SFT2D2: variants seen among roughly 807,000 people sequenced by gnomAD.
The protein encoded by SFT2D2 is vesicle transport protein SFT2B.
Under a neutral mutation model 27.4 loss-of-function variants are expected in SFT2D2, and 21 were observed. The ratio of observed to expected loss-of-function variants is 0.77; its 90% CI spans 0.54 to 1.10. SFT2D2 has a LOEUF of 1.10. SFT2D2 is among the 50% of genes least tolerant of loss of function. The pLI is 0.00. For missense variants in SFT2D2, 187 were observed against 194.2 expected (o/e 0.96, Z 0.22); for synonymous variants, 72 against 71.7 (o/e 1.00, Z -0.02).
intron 1 of SFT2D2, among the ~76,000 whole-genome samples, chr1:168,230,797 A>G (rs571480604): frequency 6.6e-6 from 1 of 152,218 alleles, no homozygotes; most frequent in African/African-American, 2.4e-5. Flanking sequence ...GACATGGGAA[A>G]AGAACCACTG....
In SFT2D2 at chr1:168,245,023, A is replaced by C. The variant is rs1193593113; in HGVS notation, c.*2483A>C. 1 of 152,240 alleles carries C rather than the reference A, an allele frequency of 6.6e-6. No homozygotes were observed. Among genetic ancestry groups the C allele is most frequent in the Admixed American group, 6.5e-5 (1 of 15,286 alleles). 9.4% of individuals were successfully genotyped at this position (152,240 alleles called of 1,614,324 possible). On this transcript the variant is annotated 3_prime_UTR_variant, in exon 8 of 8. Transcript: ENST00000271375. ...ATGTTTTCCCCTAAGATTGAGAATA[A>C]GACAGAGATGTCAACTCTTACCACT...
Position 168,247,230 on chromosome 1 carries a change from C to A in SFT2D2, c.*4690C>A. 3.7e-6 allele frequency: 1 copy of A among 267,318 alleles called. No individual in the cohort carries two copies. The allele number at this position is 267,318 out of a possible 1,614,324, so 16.6% of individuals were successfully genotyped here. A position where few individuals can be genotyped will look rare whatever the true frequency, so the allele number is the denominator to read the frequency against. On this transcript the variant is annotated 3_prime_UTR_variant, in exon 8 of 8. Transcript: ENST00000271375. ...TTTTTTATATGAGATTCTGGAAATACTTCTTTTTTTAAATTATACTTTAAG... is the reference window on the plus strand; with the variant it reads ...TTTTTTATATGAGATTCTGGAAATAATTCTTTTTTTAAATTATACTTTAAG...
In SFT2D2 at chr1:168,246,941, C is replaced by T. The variant is rs1253158731; in HGVS notation, c.*4401C>T. ...GATTTTTTATTGTGTGTATTTCCAG[C>T]CTGAGCCTGGCAATTTCATCTTGCA... On this transcript the variant is annotated 3_prime_UTR_variant, in exon 8 of 8. Transcript: ENST00000271375. 3 of 636,898 alleles carry T rather than the reference C, an allele frequency of 4.7e-6. No individual in the cohort carries two copies. Among genetic ancestry groups the T allele is most frequent in the Middle Eastern group, 2.9e-4 (1 of 3,392 alleles). The allele number at this position is 636,898 out of a possible 1,614,324, so 39.5% of individuals were successfully genotyped here.
At chr1:168,236,840 C>G (rs1182367635) in intron 6 of SFT2D2, 70 bp downstream of exon 6, 18 of 1,510,528 alleles carry the variant, frequency 1.2e-5, no homozygotes, top group South Asian at 2.3e-5. Context: ...AGATAAAACT[C>G]ACATATTGTG....
chr1:168,239,150 C>G lies in SFT2D2; in HGVS notation c.433C>G (p.Pro145Ala). Residue 145 changes from proline (P) to alanine (A), a missense_variant, in exon 7 of 8, where the codon CCA becomes GCA. By Grantham distance (27) the Pro-to-Ala change is conservative (BLOSUM62 -1). Transcript: ENST00000271375. ...ALTWYSLSFI[P>A]FARDAVKKCF... is the part of the protein sequence containing the mutation. ...TTATAGGTACAGCCTTTCCTTCATA[C>G]CATTTGCAAGGTAAGACTGTGTATT... is the stretch of plus-strand genomic sequence containing the variant. 1 of 1,607,076 alleles carries G rather than the reference C, an allele frequency of 6.2e-7. No individual in the cohort carries two copies. The highest frequency in any genetic ancestry group is 8.5e-7 in the Non-Finnish European group (1 of 1,173,624).
At chr1:168,231,384 G>A (rs997163353) in intron 1 of SFT2D2, 130 bp from the exon 2 acceptor site, 30 of 705,514 alleles carry the variant, frequency 4.3e-5, no homozygotes, top group African/African-American at 2.5e-4. Flanking sequence ...GACTTACATC[G>A]CCTGAGTGTG....
intron 1 of SFT2D2, among the ~76,000 whole-genome samples, chr1:168,227,504 A>G (rs773134060): frequency 2.6e-5 from 4 of 152,220 alleles, no homozygotes; most frequent in Non-Finnish European, 4.4e-5. Context: ...TGAGGGAGTA[A>G]TTCTATGGGA....
At position 168,231,507 on chromosome 1, in the gene SFT2D2, A is replaced by G. The variant is rs377612441; in HGVS notation, c.64-7A>G. The G allele has an allele frequency of 4.4e-6, 7 of 1,602,548 alleles. No individual in the cohort carries two copies. Among genetic ancestry groups the G allele is most frequent in the Non-Finnish European group, 5.1e-6 (6 of 1,175,958 alleles). On this transcript the variant is annotated splice_polypyrimidine_tract_variant and splice_region_variant and intron_variant, in intron 1 of 7. Transcript: ENST00000271375. ...GTGTATATGTATTTTTTTTTTTTCA[A>G]TTTTAGGTTGTTGAGGCATCTTCAT...
chr1:168,236,961 A>T (rs183078646), intron 6 of SFT2D2, among the ~76,000 whole-genome samples, 191 bp downstream of exon 6: 65 of 152,328 alleles, frequency 4.3e-4, no homozygotes, highest in African/African-American at 1.5e-3. Flanking sequence ...CTGCCAATAG[A>T]TGGCATTAGT....
chr1:168,236,206 C>G (rs960999015), intron 4 of SFT2D2, among the ~76,000 whole-genome samples: 2 of 152,196 alleles, frequency 1.3e-5, no homozygotes, highest in African/African-American at 4.8e-5. Context: ...AACCTTTGTC[C>G]TCACATGTGC....
At chr1:168,230,063 C>G (rs980403091) in intron 1 of SFT2D2, among the ~76,000 whole-genome samples, 1 of 152,196 alleles carries the variant, frequency 6.6e-6, no homozygotes, top group African/African-American at 2.4e-5. Flanking sequence ...AAATACCTTT[C>G]TCCTGAGTGG....
chr1:168,234,138 C>A (rs1647409460), intron 3 of SFT2D2, among the ~76,000 whole-genome samples: 1 of 152,160 alleles, frequency 6.6e-6, no homozygotes, highest in Admixed American at 6.5e-5. Context: ...TGGCTCACGC[C>A]TATAATTCCA....
chr1:168,245,399 C>T lies in SFT2D2; in HGVS notation c.*2859C>T. On this transcript the variant is annotated 3_prime_UTR_variant, in exon 8 of 8. Coordinates refer to ENST00000271375, the MANE Select transcript of SFT2D2 (RefSeq NM_199344.3). ...AATTCTTGGGAATAAACCCGACAAA[C>T]TATGTGGATTATCTGTACACTGATA... The T allele has an allele frequency of 6.6e-6, 1 of 152,088 alleles. No homozygotes were observed. The highest frequency in any genetic ancestry group is 1.9e-4 in the East Asian group (1 of 5,192). The allele number at this position is 152,088 out of a possible 1,614,324, so 9.4% of individuals were successfully genotyped here.
At chr1:168,230,392 G>A (rs1275139188) in intron 1 of SFT2D2, among the ~76,000 whole-genome samples, 1 of 152,152 alleles carries the variant, frequency 6.6e-6, no homozygotes, top group Non-Finnish European at 1.5e-5. Context: ...GTCTCTTACG[G>A]CAGCTGTCTT....
rs1411013215 is a variant in SFT2D2 at position 168,242,508 on chromosome 1, G to A, written c.451G>A (p.Val151Met). 1 of 1,614,174 alleles carries A rather than the reference G, an allele frequency of 6.2e-7. No individual in the cohort carries two copies. The highest frequency in any genetic ancestry group is 1.3e-5 in the African/African-American group (1 of 75,036). Residue 151 changes from valine to methionine, a missense_variant, in exon 8 of 8, where the codon GTG becomes ATG. Physicochemically the swap from Val to Met is conservative, Grantham distance 21. Transcript: ENST00000271375. ...GTGTCTTTTCTTTCCTAGGGATGCT[G>A]TGAAGAAGTGTTTTGCCGTGTGTCT... Reference protein sequence around the residue: ...LSFIPFARDAVKKCFAVCLA With the variant: ...LSFIPFARDAMKKCFAVCLA
intron 1 of SFT2D2, among the ~76,000 whole-genome samples, chr1:168,226,972 A>G (rs1223951218): frequency 6.6e-6 from 1 of 152,010 alleles, no homozygotes; most frequent in Non-Finnish European, 1.5e-5. Context: ...GACACCCGCC[A>G]TCAAACCCGG....
At position 168,235,068 on chromosome 1, in the gene SFT2D2, T is replaced by A. The variant is rs147371121; in HGVS notation, c.237-33T>A. 1,011 of 1,604,822 alleles carry A rather than the reference T, an allele frequency of 6.3e-4. 7 individuals are homozygous for A. In the African/African-American group the frequency reaches 0.012, roughly 20 times the overall value. On this transcript the variant is annotated intron_variant, in intron 3 of 7. Transcript: ENST00000271375. ...CAGTGTGCCTAGTGCAGTTCTGTTC[T>A]GAACGGCTTGTGTGCGTGTGTTTGC...
intron 6 of SFT2D2, 88 bp downstream of exon 6, chr1:168,236,858 G>A: frequency 7.0e-7 from 1 of 1,425,858 alleles, no homozygotes; most frequent in Admixed American, 1.9e-5. Context: ...GTGGGTGGGA[G>A]AATTAAGAAA....
chr1:168,242,755 G>T lies in SFT2D2; in HGVS notation c.*215G>T. 1 of 576,726 alleles carries T rather than the reference G, an allele frequency of 1.7e-6. No individual in the cohort carries two copies. Among genetic ancestry groups the T allele is most frequent in the Non-Finnish European group, 3.1e-6 (1 of 322,132 alleles). The allele number at this position is 576,726 out of a possible 1,614,324, so 35.7% of individuals were successfully genotyped here. ...TAGCACAGGATGAGAAGTGGGTTCT[G>T]TATCTTGTGGAGTGGAATCTTCCTC... On this transcript the variant is annotated 3_prime_UTR_variant, in exon 8 of 8. Coordinates refer to ENST00000271375, the MANE Select transcript of SFT2D2 (RefSeq NM_199344.3).
Sources: allele counts gnomAD v4.1 joint callset (sites outside exome capture counted in the v4.1 genomes callset), GRCh38; gene constraint gnomAD v4.1.1; transcripts MANE v1.5; gene names NCBI Gene and HGNC (gene_info 2026-07-23, HGNC 2026-07-21).